Variants in KLF8 observed in about 807,000 individuals in gnomAD.
The protein encoded by KLF8 is Krueppel-like factor 8.
In KLF8, 10 loss-of-function variants were observed where a neutral mutation model predicts 18.2. That is an observed-to-expected ratio of 0.55 (90% CI 0.34 to 0.93). The LOEUF (loss-of-function observed/expected upper bound fraction) is 0.93. Among genes scored for constraint, KLF8 ranks in the 40% least tolerant of loss-of-function variants. KLF8 has a pLI of 0.02. For synonymous variants in KLF8, 109 were observed against 97.3 expected, an observed-to-expected ratio of 1.12 and a Z score of -0.71; for missense variants, 264 against 277.9, an observed-to-expected ratio of 0.95 and a Z score of 0.36.
the KLF8 span, among the ~76,000 whole-genome samples, chrX:56,064,068 C>G: frequency 5.7e-5 from 6 of 105,522 alleles, no homozygotes; most frequent in South Asian, 2.0e-3. Context: ...TATGTATATA[C>G]ATATATACAT....
the KLF8 span, among the ~76,000 whole-genome samples, chrX:56,121,197 A>AAAAAAAAGG: frequency 9.1e-6 from 1 of 109,681 alleles, no homozygotes; most frequent in Non-Finnish European, 1.9e-5. Context: ...AAAAAAAAAA[A>AAAAAAAAGG]AAAAAAAGGA....
At chrX:56,033,741 G>A in the KLF8 span, among the ~76,000 whole-genome samples, 3 of 111,439 alleles carry the variant, frequency 2.7e-5, no homozygotes, top group Admixed American at 9.5e-5. Flanking sequence ...GTTTTAATTT[G>A]CATTTCCCTA....
the KLF8 span, among the ~76,000 whole-genome samples, chrX:55,987,029 C>A: frequency 9.0e-5 from 10 of 110,997 alleles, no homozygotes; most frequent in Admixed American, 9.6e-4. Context: ...CATTGATGAG[C>A]ATCTTGGTTG....
the KLF8 span, among the ~76,000 whole-genome samples, chrX:55,975,778 C>T: frequency 1.8e-5 from 2 of 110,949 alleles, no homozygotes; most frequent in African/African-American, 6.6e-5. Context: ...GAATGGCTGA[C>T]TTTTTTAAAA....
At chrX:55,925,992 C>G in the KLF8 span, among the ~76,000 whole-genome samples, 1 of 111,687 alleles carries the variant, frequency 9.0e-6, no homozygotes, top group African/African-American at 3.3e-5. Context: ...CAAGCATTAT[C>G]CTTTGTGTTA....
the KLF8 span, among the ~76,000 whole-genome samples, chrX:56,060,693 A>G: frequency 8.9e-6 from 1 of 111,812 alleles, no homozygotes; most frequent in Admixed American, 9.5e-5. Flanking sequence ...TGGTATCAGG[A>G]TGATGCTGGC....
upstream of KLF8, among the ~76,000 whole-genome samples, chrX:56,230,142 G>A (rs1231809552): frequency 8.9e-6 from 1 of 112,180 alleles, no homozygotes; most frequent in Non-Finnish European, 1.9e-5. Flanking sequence ...AAAGTAACTC[G>A]ATGACCTTAA....
At chrX:55,988,677 C>T in the KLF8 span, among the ~76,000 whole-genome samples, 13 of 111,213 alleles carry the variant, frequency 1.2e-4, no homozygotes, top group African/African-American at 3.6e-4. Flanking sequence ...AATGACGTGG[C>T]GATGTGGGCT....
chrX:56,158,819 A>C, the KLF8 span, among the ~76,000 whole-genome samples: 1 of 111,953 alleles, frequency 8.9e-6, no homozygotes, highest in Admixed American at 9.5e-5. Context: ...ATATACAATC[A>C]TGTCAACTGC....
chrX:56,269,986 A>T (rs1306617158), intron 4 of KLF8, among the ~76,000 whole-genome samples, 196 bp from the exon 5 acceptor site: 2 of 111,888 alleles, frequency 1.8e-5, no homozygotes, highest in Non-Finnish European at 3.8e-5. Flanking sequence ...CTACTGAGGG[A>T]CCTGTACCTA....
At position 56,290,433 on chromosome X, in the gene KLF8, GA is replaced by G. The variant is rs1229443400; in HGVS notation, c.*5940del. Among the ~76,000 whole-genome samples the G allele has an allele frequency of 9.0e-6, 1 of 111,713 alleles. No individual in the cohort carries two copies. Among genetic ancestry groups the G allele is most frequent in the East Asian group, 2.8e-4 (1 of 3,544 alleles). The stretch of plus-strand genomic sequence containing the variant: ...AATTTGAGTAAGAAGGATAATTAAA[GA>G]GTGGCCACTGGAAGCAATATTATTT... On this transcript the variant is annotated 3_prime_UTR_variant, in exon 6 of 6. Transcript: ENST00000468660.
At chrX:56,274,073 C>A (rs910927044) in intron 5 of KLF8, among the ~76,000 whole-genome samples, 1 of 111,821 alleles carries the variant, frequency 8.9e-6, no homozygotes, top group African/African-American at 3.2e-5. Flanking sequence ...GATAGCCCTA[C>A]TTTGTTTTCT....
chrX:56,104,973 C>T, the KLF8 span, among the ~76,000 whole-genome samples: 66 of 111,803 alleles, frequency 5.9e-4, 1 homozygote, highest in East Asian at 0.017. Flanking sequence ...TCATTATGTA[C>T]CCAGTAGTCA....
intron 1 of KLF8, among the ~76,000 whole-genome samples, chrX:56,242,203 T>C (rs1201858159): frequency 8.9e-6 from 1 of 112,211 alleles, no homozygotes; most frequent in Non-Finnish European, 1.9e-5. Context: ...TTTCTTTTTG[T>C]GGAAAAGAAA....
At chrX:56,156,936 T>C in the KLF8 span, among the ~76,000 whole-genome samples, 1 of 109,709 alleles carries the variant, frequency 9.1e-6, no homozygotes. Flanking sequence ...CATGCTCATG[T>C]ATGTTTATTG....
intron 4 of KLF8, 99 bp from the exon 5 acceptor site, chrX:56,270,083 T>C (rs1012674509): frequency 1.2e-6 from 1 of 856,815 alleles, no homozygotes; most frequent in African/African-American, 2.1e-5. Flanking sequence ...TTCACGTAAA[T>C]TAAAAGCCGA....
At chrX:56,228,198 C>A (rs1482028922), upstream of KLF8, among the ~76,000 whole-genome samples, 1 of 112,350 alleles carries the variant, frequency 8.9e-6, no homozygotes. Context: ...ATATCTATGA[C>A]CAGAAAGAGA....
chrX:55,944,281 T>A, the KLF8 span, among the ~76,000 whole-genome samples: 5 of 109,720 alleles, frequency 4.6e-5, no homozygotes, highest in Admixed American at 9.8e-5. Flanking sequence ...AGGATATTGG[T>A]CTAAAATTCT....
the KLF8 span, among the ~76,000 whole-genome samples, chrX:56,099,110 C>T: frequency 1.3e-4 from 14 of 111,829 alleles, no homozygotes; most frequent in South Asian, 3.0e-3. Context: ...GGTATCAATC[C>T]TATGTTGAGC....
Sources: allele counts gnomAD v4.1 joint callset (sites outside exome capture counted in the v4.1 genomes callset), GRCh38; gene constraint gnomAD v4.1.1; transcripts MANE v1.5; gene names NCBI Gene and HGNC (gene_info 2026-07-23, HGNC 2026-07-21).